ADAM12: variants seen among roughly 807,000 people sequenced by gnomAD.
ADAM12 encodes the protein ADAM metallopeptidase domain 12.
In ADAM12, 70 loss-of-function variants were observed where a neutral mutation model predicts 106.4. The observed-to-expected ratio is 0.66, with a 90% CI of 0.54 to 0.80. ADAM12 has a LOEUF of 0.80. ADAM12 is among the 30% of genes least tolerant of loss of function. The probability of loss-of-function intolerance (pLI) is 0.00; values close to 1 mark genes in which losing one functional copy is unlikely to be tolerated. For missense variants in ADAM12, 1,010 were observed against 1,171.9 expected (o/e 0.86, Z 2.02); for synonymous variants, 420 against 433.5 (o/e 0.97, Z 0.39).
intron 2 of ADAM12, among the ~76,000 whole-genome samples, chr10:126,319,518 C>T (rs1441542336): frequency 1.3e-5 from 2 of 152,152 alleles, no homozygotes; most frequent in Non-Finnish European, 2.9e-5. Context: ...CTATGCCACA[C>T]CTGATCTCTA....
At chr10:126,158,247 GGGAGAA>G (rs1590523748) in intron 3 of ADAM12, among the ~76,000 whole-genome samples, 1 of 151,994 alleles carries the variant, frequency 6.6e-6, no homozygotes, top group East Asian at 1.9e-4. Flanking sequence ...CACACAGCAC[GGGAGAA>G]AGCACAGAGC....
chr10:126,184,979 C>A (rs1957374967), intron 3 of ADAM12, among the ~76,000 whole-genome samples: 1 of 152,204 alleles, frequency 6.6e-6, no homozygotes, highest in Non-Finnish European at 1.5e-5. Context: ...GAGACCAAGC[C>A]AACATGGCAC....
intron 5 of ADAM12, among the ~76,000 whole-genome samples, chr10:126,132,424 G>A (rs1035518159): frequency 2.6e-5 from 4 of 152,020 alleles, no homozygotes; most frequent in Non-Finnish European, 5.9e-5. Flanking sequence ...CTTTCCAAGT[G>A]TGTGTGGTCC....
At chr10:126,377,166 C>A (rs1422432756) in intron 1 of ADAM12, among the ~76,000 whole-genome samples, 2 of 152,192 alleles carry the variant, frequency 1.3e-5, no homozygotes, top group East Asian at 3.9e-4. Context: ...AGCTGATCTG[C>A]AAACTCCAGC....
At chr10:126,268,535 T>G (rs17684825) in intron 3 of ADAM12, among the ~76,000 whole-genome samples, 64,972 of 152,142 alleles carry the variant, frequency 0.43, 16,331 homozygotes, top group Non-Finnish European at 0.56. Context: ...ACTGTCAGCA[T>G]GCAACAAATG....
At chr10:126,305,458 C>T (rs894149752) in intron 2 of ADAM12, among the ~76,000 whole-genome samples, 3 of 151,904 alleles carry the variant, frequency 2.0e-5, no homozygotes, top group Non-Finnish European at 4.4e-5. Context: ...TACTTGAAGC[C>T]AGAGTTGATA....
chr10:126,160,619 C>A (rs1231377795), intron 3 of ADAM12, among the ~76,000 whole-genome samples: 1 of 152,222 alleles, frequency 6.6e-6, no homozygotes, highest in African/African-American at 2.4e-5. Flanking sequence ...ACCCACCATG[C>A]AGGGCTTTGT....
intron 2 of ADAM12, among the ~76,000 whole-genome samples, chr10:126,290,001 C>T (rs1960073171): frequency 6.6e-6 from 1 of 152,146 alleles, no homozygotes; most frequent in Non-Finnish European, 1.5e-5. Flanking sequence ...AGGGACCTCA[C>T]CCTGGATTAT....
chr10:126,081,877 T>C (rs945020967), intron 11 of ADAM12, among the ~76,000 whole-genome samples: 23 of 152,194 alleles, frequency 1.5e-4, no homozygotes, highest in African/African-American at 4.6e-4. Context: ...ACATTTCCAA[T>C]ATGGTATAGA....
rs1010008160 is a variant in ADAM12, at chr10:126,342,074, C to T, written c.89-11565G>A. On this transcript the variant is annotated intron_variant, in intron 1 of 22. Coordinates refer to ENST00000448723, the MANE Select transcript of ADAM12 (RefSeq NM_001288973.2). ...ACATCCTATGCCCCATGCCCGACAG[C>T]AGGAATGTTCATTTCCCTTTTTCCC... is the stretch of plus-strand genomic sequence containing the variant. 3.3e-5 allele frequency among the ~76,000 whole-genome samples: 5 copies of T among 152,326 alleles called. No homozygotes were observed. The East Asian group carries it at 9.7e-4, about 29-fold the overall frequency.
intron 2 of ADAM12, among the ~76,000 whole-genome samples, chr10:126,315,060 AG>A (rs1564727815): frequency 6.6e-6 from 1 of 152,204 alleles, no homozygotes; most frequent in Non-Finnish European, 1.5e-5. Flanking sequence ...GAAATGAAAC[AG>A]TTAAACTCAT....
Position 126,249,009 on chromosome 10 carries a change from G to A in ADAM12, c.260+29906C>T, listed in dbSNP as rs545327028. Among the ~76,000 whole-genome samples, 27 of 151,948 alleles carry A rather than the reference G, an allele frequency of 1.8e-4. No homozygotes were observed. In the South Asian group the frequency reaches 1.9e-3, roughly 11 times the overall value. Reference sequence around the variant, plus strand: ...GCATGAGCCACCATGTCTGGCCTTCGCAAGTATTTACCTATTTCATTTCCA... The same window carrying A: ...GCATGAGCCACCATGTCTGGCCTTCACAAGTATTTACCTATTTCATTTCCA... On this transcript the variant is annotated intron_variant, in intron 3 of 22. Coordinates refer to ENST00000448723, the MANE Select transcript of ADAM12 (RefSeq NM_001288973.2).
chr10:126,378,376 T>A (rs1217572298), intron 1 of ADAM12, among the ~76,000 whole-genome samples: 1 of 152,230 alleles, frequency 6.6e-6, no homozygotes, highest in Non-Finnish European at 1.5e-5. Context: ...GGGGAAAACA[T>A]ATTTATTATC....
intron 4 of ADAM12, among the ~76,000 whole-genome samples, chr10:126,149,104 G>A (rs1271581237): frequency 1.3e-5 from 2 of 152,188 alleles, no homozygotes; most frequent in Non-Finnish European, 2.9e-5. Context: ...GAAGACGAGG[G>A]GAATGGAGCA....
At chr10:126,199,231 A>G (rs116694044) in intron 3 of ADAM12, among the ~76,000 whole-genome samples, 1,791 of 152,284 alleles carry the variant, frequency 0.012, 35 homozygotes, top group African/African-American at 0.041. Context: ...AGAAAAAGTG[A>G]TTTCAAAGCC....
At chr10:126,027,026 A>C (rs1339110155) in intron 21 of ADAM12, among the ~76,000 whole-genome samples, 1 of 151,988 alleles carries the variant, frequency 6.6e-6, no homozygotes, top group African/African-American at 2.4e-5. Flanking sequence ...TAGCTAGACT[A>C]TAAAGAATCA....
At chr10:126,022,316 G>A (rs1953783500) in intron 21 of ADAM12, among the ~76,000 whole-genome samples, 1 of 152,158 alleles carries the variant, frequency 6.6e-6, no homozygotes, top group South Asian at 2.1e-4. Flanking sequence ...GCTGATTGAA[G>A]GGTCTGACCT....
chr10:126,190,083 C>T (rs7087471), intron 3 of ADAM12, among the ~76,000 whole-genome samples: 2,548 of 152,208 alleles, frequency 0.017, 69 homozygotes, highest in African/African-American at 0.059. Flanking sequence ...CACTAAGGAC[C>T]GGGGCCAGGC....
intron 2 of ADAM12, among the ~76,000 whole-genome samples, chr10:126,327,284 C>A (rs1854339661): frequency 6.6e-6 from 1 of 152,164 alleles, no homozygotes; most frequent in Non-Finnish European, 1.5e-5. Flanking sequence ...TGAGTTAGAT[C>A]TTCATTTTAG....
Sources: gnomAD v4.1 joint callset for allele counts (sites outside exome capture counted in the v4.1 genomes callset) on GRCh38, gnomAD v4.1.1 for gene constraint, MANE v1.5 for transcripts, NCBI Gene and HGNC (gene_info 2026-07-23, HGNC 2026-07-21) for gene names.